Variants in MEMO1 observed in about 807,000 individuals in gnomAD.
MEMO1 encodes the protein protein MEMO1.
In MEMO1, 6 loss-of-function variants were observed where a neutral mutation model predicts 45.2. That is an observed-to-expected ratio of 0.13 (90% CI 0.07 to 0.26). The LOEUF is 0.26. MEMO1 is among the 10% of genes least tolerant of loss of function. The pLI is 1.00. For synonymous variants in MEMO1, 78 were observed against 124.3 expected (o/e 0.63, Z 2.48); for missense variants, 184 against 370.5 (o/e 0.50, Z 4.13).
intron 6 of MEMO1, among the ~76,000 whole-genome samples, chr2:31,897,744 G>A (rs939162277): frequency 4.6e-5 from 7 of 152,094 alleles, no homozygotes; most frequent in African/African-American, 1.7e-4. Context: ...AACGAGTTAG[G>A]GAGGAACCCC....
intron 2 of MEMO1, among the ~76,000 whole-genome samples, chr2:32,005,764 C>G (rs1406000264): frequency 6.6e-6 from 1 of 152,212 alleles, no homozygotes; most frequent in African/African-American, 2.4e-5. Flanking sequence ...ATGCCAAGCA[C>G]TTTAACATTC....
At chr2:31,890,688 G>A (rs1415313952) in intron 7 of MEMO1, among the ~76,000 whole-genome samples, 1 of 152,144 alleles carries the variant, frequency 6.6e-6, no homozygotes, top group Non-Finnish European at 1.5e-5. Context: ...CTAAAAATCT[G>A]GGTTTCCCAA....
chr2:31,930,518 G>A (rs976212529), intron 4 of MEMO1, among the ~76,000 whole-genome samples: 1 of 152,058 alleles, frequency 6.6e-6, no homozygotes, highest in South Asian at 2.1e-4. Flanking sequence ...TGTCCCATCA[G>A]CACAGGAGTT....
At chr2:31,930,136 A>G (rs1683735569) in intron 4 of MEMO1, among the ~76,000 whole-genome samples, 1 of 152,158 alleles carries the variant, frequency 6.6e-6, no homozygotes, top group Admixed American at 6.5e-5. Context: ...GGTGGCGTGC[A>G]CCTGTAGTCC....
Position 32,010,224 on chromosome 2 carries a change from T to G in MEMO1, c.24A>C (p.Arg8=). Residue 8 remains arginine (R), a synonymous_variant, in exon 2 of 10, where the codon CGA becomes CGC. Transcript: ENST00000404530. ...ACCAGCTCCCGGCGTGACTGGCTTC[T>G]CGGCAGACCACTCGGTTGGACATCT... MSNRVVC[R]EASHAGSWYT... is the part of the protein sequence containing the mutation. The G allele has an allele frequency of 6.6e-7, 1 of 1,509,226 alleles. No individual in the cohort carries two copies. Among genetic ancestry groups the G allele is most frequent in the Non-Finnish European group, 8.9e-7 (1 of 1,125,638 alleles). 93.5% of individuals were successfully genotyped at this position (1,509,226 alleles called of 1,614,324 possible). A position where few individuals can be genotyped will look rare whatever the true frequency, so the allele number is the denominator to read the frequency against.
chr2:31,999,547 G>A (rs771634199), intron 2 of MEMO1, among the ~76,000 whole-genome samples: 2 of 152,142 alleles, frequency 1.3e-5, no homozygotes, highest in East Asian at 3.9e-4. Context: ...GTGCCTGCCT[G>A]TAGTCCCAGC....
intron 2 of MEMO1, among the ~76,000 whole-genome samples, chr2:31,950,597 C>T (rs2148357065): frequency 6.6e-6 from 1 of 151,102 alleles, no homozygotes; most frequent in East Asian, 2.0e-4. Context: ...GTGGCGCACA[C>T]CTGTAATCCC....
At chr2:31,938,342 A>T (rs534817725) in intron 3 of MEMO1, among the ~76,000 whole-genome samples, 1 of 151,914 alleles carries the variant, frequency 6.6e-6, no homozygotes, top group South Asian at 2.1e-4. Flanking sequence ...ATGCCTATAA[A>T]GGTAAAAAAA....
chr2:31,884,924 A>T (rs887919613), intron 7 of MEMO1, among the ~76,000 whole-genome samples: 1 of 150,614 alleles, frequency 6.6e-6, no homozygotes, highest in Non-Finnish European at 1.5e-5. Context: ...GATCAACTAT[A>T]GTCTTTGAAC....
intron 6 of MEMO1, among the ~76,000 whole-genome samples, chr2:31,913,560 AT>A (rs201947496): frequency 2.0e-4 from 30 of 150,966 alleles, no homozygotes; most frequent in African/African-American, 5.8e-4. Context: ...AAAACATGTA[AT>A]TTTTTTTTAA....
At chr2:31,947,963 T>C (rs1666379386) in intron 2 of MEMO1, among the ~76,000 whole-genome samples, 1 of 152,242 alleles carries the variant, frequency 6.6e-6, no homozygotes, top group Non-Finnish European at 1.5e-5. Context: ...ACAAAAGTCA[T>C]GTGTTCTCTT....
At chr2:31,933,351 TTA>T (rs370773425) in intron 3 of MEMO1, among the ~76,000 whole-genome samples, 2,693 of 45,052 alleles carry the variant, frequency 0.06, 168 homozygotes, top group African/African-American at 0.11. Flanking sequence ...AAAAAAAAAT[TTA>T]TATATATATA....
At chr2:31,991,061 T>A (rs1361258870) in intron 2 of MEMO1, among the ~76,000 whole-genome samples, 1 of 152,130 alleles carries the variant, frequency 6.6e-6, no homozygotes, top group East Asian at 1.9e-4. Context: ...ATTTGTTAAC[T>A]ACAAAAAGGC....
intron 2 of MEMO1, among the ~76,000 whole-genome samples, chr2:31,969,598 T>TGG (rs1162839697): frequency 1.4e-5 from 2 of 144,094 alleles, no homozygotes; most frequent in Non-Finnish European, 3.0e-5. Flanking sequence ...TGTGTGTGTG[T>TGG]GTGTGTGTGT....
chr2:31,882,663 A>T (rs1050989826), intron 8 of MEMO1, among the ~76,000 whole-genome samples: 1 of 152,214 alleles, frequency 6.6e-6, no homozygotes, highest in African/African-American at 2.4e-5. Context: ...AAATCCCTTC[A>T]GCATAGCAGA....
intron 2 of MEMO1, among the ~76,000 whole-genome samples, chr2:31,978,593 C>T (rs536492674): frequency 6.6e-6 from 1 of 152,216 alleles, no homozygotes; most frequent in South Asian, 2.1e-4. Flanking sequence ...CCACCATGAC[C>T]GGCTAGTTTT....
At chr2:31,988,209 T>G (rs749881196) in intron 2 of MEMO1, among the ~76,000 whole-genome samples, 1 of 152,190 alleles carries the variant, frequency 6.6e-6, no homozygotes, top group East Asian at 1.9e-4. Context: ...TACTAAAATA[T>G]TATTTGTTTC....
At chr2:31,974,208 T>C (rs1004286205) in intron 2 of MEMO1, among the ~76,000 whole-genome samples, 2 of 152,198 alleles carry the variant, frequency 1.3e-5, no homozygotes, top group African/African-American at 4.8e-5. Flanking sequence ...CACCATGTTT[T>C]TGCCTGATAA....
At chr2:31,998,703 G>A (rs1004430905) in intron 2 of MEMO1, among the ~76,000 whole-genome samples, 4 of 151,730 alleles carry the variant, frequency 2.6e-5, no homozygotes, top group Non-Finnish European at 5.9e-5. Context: ...GGGAGGCTGA[G>A]ACAGGAGAAT....
Sources: gnomAD v4.1 joint callset for allele counts (sites outside exome capture counted in the v4.1 genomes callset) on GRCh38, gnomAD v4.1.1 for gene constraint, MANE v1.5 for transcripts, NCBI Gene and HGNC (gene_info 2026-07-23, HGNC 2026-07-21) for gene names.